Variants in NCAM1 observed in about 807,000 individuals in gnomAD.
NCAM1 encodes the protein antigen recognized by monoclonal antibody 5.1H11.
A neutral mutation model predicts 109.8 loss-of-function variants in NCAM1; 14 were observed. The observed-to-expected ratio is 0.13, with a 90% CI of 0.08 to 0.20. The LOEUF (loss-of-function observed/expected upper bound fraction) is 0.20, where lower values mean the gene tolerates loss of function less well. Ranked by LOEUF, NCAM1 falls within the 10% of genes least tolerant of loss-of-function variation. The probability of loss-of-function intolerance (pLI) is 1.00; values close to 1 mark genes in which losing one functional copy is unlikely to be tolerated. For missense variants in NCAM1, 774 were observed against 1,109.9 expected (o/e 0.70, Z 4.30); for synonymous variants, 418 against 442.9 (o/e 0.94, Z 0.70).
chr11:113,082,254 G>C (rs551269048), intron 1 of NCAM1, among the ~76,000 whole-genome samples: 2 of 152,162 alleles, frequency 1.3e-5, no homozygotes, highest in East Asian at 3.9e-4. Flanking sequence ...CACACAGATT[G>C]TTCCCGCATA....
At chr11:113,021,628 C>T (rs973369041) in intron 1 of NCAM1, among the ~76,000 whole-genome samples, 2 of 152,144 alleles carry the variant, frequency 1.3e-5, no homozygotes, top group African/African-American at 4.8e-5. Context: ...TCAATTAAAG[C>T]CCTCAAAATG....
At chr11:113,015,425 A>G (rs1404862570) in intron 1 of NCAM1, among the ~76,000 whole-genome samples, 1 of 152,182 alleles carries the variant, frequency 6.6e-6, no homozygotes, top group Non-Finnish European at 1.5e-5. Context: ...ATGCCATTTT[A>G]TGATAGACAC....
At chr11:113,118,694 A>G (rs1328098787) in intron 1 of NCAM1, among the ~76,000 whole-genome samples, 9 of 151,860 alleles carry the variant, frequency 5.9e-5, no homozygotes, top group African/African-American at 1.9e-4. Flanking sequence ...GAATTGACGA[A>G]TGGGTTCAGA....
intron 1 of NCAM1, among the ~76,000 whole-genome samples, chr11:113,043,989 A>G (rs1555080395): frequency 2.0e-5 from 3 of 148,958 alleles, no homozygotes; most frequent in Non-Finnish European, 3.0e-5. Flanking sequence ...CAGGCTCACT[A>G]TTTTTAGTGA....
At chr11:113,017,635 TTGTG>T (rs71698389) in intron 1 of NCAM1, among the ~76,000 whole-genome samples, 21 of 145,284 alleles carry the variant, frequency 1.4e-4, no homozygotes, top group East Asian at 2.1e-4. Context: ...CAGTACTGTT[TTGTG>T]TGTGTGTGTG....
At chr11:113,055,706 T>C (rs1953673398) in intron 1 of NCAM1, among the ~76,000 whole-genome samples, 2 of 152,026 alleles carry the variant, frequency 1.3e-5, no homozygotes, top group South Asian at 4.2e-4. Flanking sequence ...TTGTTTCTAA[T>C]CAATGTAACG....
intron 14 of NCAM1, 100 bp downstream of exon 14, chr11:113,235,264 C>T (rs564342806): frequency 6.2e-7 from 1 of 1,605,456 alleles, no homozygotes; most frequent in African/African-American, 1.3e-5. Flanking sequence ...CAGACCACAG[C>T]TTTTTGTCTT....
At chr11:113,271,509 T>C (rs1555125336) in intron 18 of NCAM1, among the ~76,000 whole-genome samples, 4 of 152,156 alleles carry the variant, frequency 2.6e-5, no homozygotes, top group East Asian at 1.9e-4. Context: ...CATCCTTTCA[T>C]TGAATTCTCA....
chr11:113,224,371 A>G (rs1382651490), intron 9 of NCAM1, among the ~76,000 whole-genome samples: 1 of 152,236 alleles, frequency 6.6e-6, no homozygotes, highest in African/African-American at 2.4e-5. Context: ...GCAAGGCGGC[A>G]GCAAGGCTGG....
chr11:112,963,636 C>A lies in NCAM1; in HGVS notation c.52+1972C>A, dbSNP rs1222299161. 6.6e-6 allele frequency among the ~76,000 whole-genome samples: 1 copy of A among 152,188 alleles called. No homozygotes were observed. Among genetic ancestry groups the A allele is most frequent in the African/African-American group, 2.4e-5 (1 of 41,438 alleles). ...CGCGGTGCCCGTGGGTGCCGCGACG[C>A]GACCTGTCCACATGGGGCGGGGGAA... On this transcript the variant is annotated intron_variant, in intron 1 of 19. Coordinates refer to ENST00000316851, the MANE Select transcript of NCAM1 (RefSeq NM_181351.5). This position sits in a 1 kb window ranked among gnomAD's most constrained non-coding sequence, Gnocchi z 4.6.
At chr11:113,116,109 ATTC>A (rs1203634755) in intron 1 of NCAM1, among the ~76,000 whole-genome samples, 1 of 152,226 alleles carries the variant, frequency 6.6e-6, no homozygotes, top group African/African-American at 2.4e-5. Context: ...TAATAAAGGT[ATTC>A]TTGTATGTAG....
chr11:113,119,358 G>T (rs1940849168), intron 1 of NCAM1, among the ~76,000 whole-genome samples: 1 of 152,206 alleles, frequency 6.6e-6, no homozygotes, highest in Admixed American at 6.5e-5. Flanking sequence ...CCAGAAGTCA[G>T]ACTTGGCCAA....
At chr11:113,141,671 T>C (rs1322313161) in intron 1 of NCAM1, among the ~76,000 whole-genome samples, 1 of 151,582 alleles carries the variant, frequency 6.6e-6, no homozygotes, top group Non-Finnish European at 1.5e-5. Flanking sequence ...AAACAAAAGT[T>C]AGTGAAGCTG....
intron 1 of NCAM1, among the ~76,000 whole-genome samples, chr11:113,129,421 G>A (rs1020574735): frequency 6.6e-6 from 1 of 152,012 alleles, no homozygotes; most frequent in South Asian, 2.1e-4. Context: ...ATTCTTTTTG[G>A]GTGTGTTTCC....
At chr11:113,095,931 T>C (rs1317118188) in intron 1 of NCAM1, among the ~76,000 whole-genome samples, 1 of 152,206 alleles carries the variant, frequency 6.6e-6, no homozygotes, top group African/African-American at 2.4e-5. Context: ...GCTGCAAGGA[T>C]TAAATAAAAT....
At chr11:113,072,835 A>AT (rs1279444043) in intron 1 of NCAM1, among the ~76,000 whole-genome samples, 6 of 114,302 alleles carry the variant, frequency 5.2e-5, no homozygotes, top group East Asian at 2.6e-4. Context: ...TTTTTTTTTC[A>AT]TTTTTTTGAC....
At chr11:113,200,307 G>A (rs1944010471) in intron 1 of NCAM1, among the ~76,000 whole-genome samples, 1 of 152,186 alleles carries the variant, frequency 6.6e-6, no homozygotes, top group African/African-American at 2.4e-5. Flanking sequence ...GGAAGTGACA[G>A]GGAAGGTCCT....
intron 8 of NCAM1, among the ~76,000 whole-genome samples, chr11:113,215,858 G>T (rs1282461923): frequency 2.0e-5 from 3 of 152,218 alleles, no homozygotes; most frequent in Non-Finnish European, 4.4e-5. Flanking sequence ...ACTCATGTGT[G>T]TTATGTGGAT....
At chr11:113,220,546 T>C (rs1252887828) in intron 8 of NCAM1, among the ~76,000 whole-genome samples, 4 of 151,652 alleles carry the variant, frequency 2.6e-5, no homozygotes, top group Non-Finnish European at 1.5e-5. Context: ...AGTATATCTA[T>C]GATAAGCTGC....
Sources: gnomAD v4.1 joint callset for allele counts (sites outside exome capture counted in the v4.1 genomes callset) on GRCh38, gnomAD v4.1.1 for gene constraint, Gnocchi (gnomAD v3.1) non-coding constraint, MANE v1.5 for transcripts, NCBI Gene and HGNC (gene_info 2026-07-23, HGNC 2026-07-21) for gene names.